The following RGPD1 variants were observed in gnomAD, a reference collection of about 807,000 sequenced individuals.
RGPD1 encodes RANBP2-like and GRIP domain-containing protein 1.
In RGPD1, 7 loss-of-function variants were observed where a neutral mutation model predicts 40.6. The ratio of observed to expected loss-of-function variants is 0.17; its 90% CI spans 0.10 to 0.32. The LOEUF (loss-of-function observed/expected upper bound fraction) is 0.32. RGPD1 is among the 10% of genes least tolerant of loss of function. RGPD1 has a pLI of 1.00. For missense variants in RGPD1, 50 were observed against 472.5 expected, an observed-to-expected ratio of 0.11 and a Z score of 8.29; for synonymous variants, 24 against 167.0, an observed-to-expected ratio of 0.14 and a Z score of 6.60.
At chr2:86,941,803 C>A (rs1279231647), upstream of RGPD1, among the ~76,000 whole-genome samples, 1 of 150,406 alleles carries the variant, frequency 6.6e-6, no homozygotes, top group Non-Finnish European at 1.5e-5. Flanking sequence ...CCTCGCCTCT[C>A]AGTTTCAAGC....
At chr2:86,929,790 C>A (rs1678784510) in intron 1 of RGPD1, among the ~76,000 whole-genome samples, 1 of 142,600 alleles carries the variant, frequency 7.0e-6, no homozygotes, top group Non-Finnish European at 1.5e-5. Context: ...AGCACAGTCC[C>A]CCAATACTGC....
intron 1 of RGPD1, among the ~76,000 whole-genome samples, chr2:86,931,317 G>A (rs2104712485): frequency 6.6e-6 from 1 of 151,740 alleles, no homozygotes; most frequent in East Asian, 1.9e-4. Context: ...TTCATTGCAT[G>A]TTAGTATCTT....
upstream of RGPD1, among the ~76,000 whole-genome samples, chr2:86,942,079 C>T (rs1363860152): frequency 6.6e-6 from 1 of 151,408 alleles, no homozygotes; most frequent in African/African-American, 2.4e-5. Flanking sequence ...GCGCCGACGT[C>T]GCCAAGGATA....
chr2:86,925,741 T>G (rs1332190654), intron 1 of RGPD1, among the ~76,000 whole-genome samples: 3 of 151,896 alleles, frequency 2.0e-5, no homozygotes, highest in African/African-American at 7.2e-5. Context: ...TGCATAATTT[T>G]TTTCTCGTTT....
chr2:86,923,030 T>C (rs1296185319), intron 1 of RGPD1, among the ~76,000 whole-genome samples: 1 of 103,580 alleles, frequency 9.7e-6, no homozygotes, highest in Non-Finnish European at 1.9e-5. Flanking sequence ...CCATGGTATA[T>C]TCCTTTTTTT....
intron 1 of RGPD1, among the ~76,000 whole-genome samples, chr2:86,914,959 C>T (rs1445693840): frequency 3.6e-5 from 5 of 138,106 alleles, no homozygotes; most frequent in African/African-American, 1.4e-4. Context: ...GGCGGCCTGG[C>T]CTAAGGTACT....
chr2:86,929,514 C>CTGT (rs1369531555), intron 1 of RGPD1, among the ~76,000 whole-genome samples: 2 of 151,722 alleles, frequency 1.3e-5, no homozygotes, highest in African/African-American at 2.4e-5. Flanking sequence ...GTGACAAGTA[C>CTGT]TGTTTTAAGT....
chr2:86,924,466 A>G (rs1281989248), intron 1 of RGPD1, among the ~76,000 whole-genome samples: 1 of 149,952 alleles, frequency 6.7e-6, no homozygotes, highest in Non-Finnish European at 1.5e-5. Context: ...GTGGACATAC[A>G]TTTTCATTTC....
intron 1 of RGPD1, chr2:86,930,649 A>G: frequency 6.2e-7 from 1 of 1,611,360 alleles, no homozygotes; most frequent in Admixed American, 1.7e-5. Flanking sequence ...TCACAGAGGT[A>G]GGGCTGGTTG....
At chr2:86,930,686 C>G in intron 1 of RGPD1, 4 of 1,608,968 alleles carry the variant, frequency 2.5e-6, no homozygotes, top group South Asian at 1.1e-5. Flanking sequence ...GCTCTCGAAG[C>G]TGCTGTTGCG....
At position 86,927,466 on chromosome 2, in the gene RGPD1, T is replaced by C. The variant is rs143615801; in HGVS notation, c.72+13545T>C. The stretch of plus-strand genomic sequence containing the variant: ...CTTCAGACTTGCAGTGTTTCCTCTC[T>C]GCTAAGTATAGTGTTAAACACTGGC... On this transcript the variant is annotated intron_variant, in intron 1 of 22. Transcript: ENST00000398193. 7.3e-3 allele frequency among the ~76,000 whole-genome samples: 1,098 copies of C among 150,838 alleles called. 8 individuals carry two copies. The highest frequency in any genetic ancestry group is 0.012 in the Non-Finnish European group (807 of 67,938).
At chr2:86,927,151 A>C (rs971179391) in intron 1 of RGPD1, among the ~76,000 whole-genome samples, 2 of 151,864 alleles carry the variant, frequency 1.3e-5, no homozygotes, top group African/African-American at 4.8e-5. Flanking sequence ...CTCAGATTGG[A>C]GTACACTTTT....
At chr2:86,923,536 C>CG (rs1678205134) in intron 1 of RGPD1, among the ~76,000 whole-genome samples, 1 of 149,090 alleles carries the variant, frequency 6.7e-6, no homozygotes, top group Admixed American at 6.7e-5. Flanking sequence ...TTTTTTGAGA[C>CG]GGAGTCTCGC....
chr2:86,936,902 G>A (rs982648046), intron 1 of RGPD1, among the ~76,000 whole-genome samples: 1 of 137,382 alleles, frequency 7.3e-6, no homozygotes, highest in Non-Finnish European at 1.6e-5. Context: ...GCTTAACAAA[G>A]AGGTCTGAGA....
intron 1 of RGPD1, among the ~76,000 whole-genome samples, chr2:86,942,916 C>T (rs1427198808): frequency 2.6e-5 from 4 of 151,980 alleles, no homozygotes; most frequent in South Asian, 2.1e-4. Context: ...CGACGGTGCT[C>T]GCTCGTGGGC....
intron 1 of RGPD1, among the ~76,000 whole-genome samples, chr2:86,928,441 T>C (rs1192121953): frequency 6.6e-6 from 1 of 152,044 alleles, no homozygotes; most frequent in African/African-American, 2.4e-5. Context: ...TGGGAGCTAA[T>C]GGGGGATTAA....
intron 1 of RGPD1, among the ~76,000 whole-genome samples, chr2:86,929,999 G>A (rs1678802586): frequency 1.4e-5 from 2 of 144,082 alleles, no homozygotes; most frequent in Non-Finnish European, 1.5e-5. Context: ...TCTGGGGGCA[G>A]TGCACACGGG....
chr2:86,941,940 G>A (rs1463901857), upstream of RGPD1, among the ~76,000 whole-genome samples: 1 of 151,914 alleles, frequency 6.6e-6, no homozygotes, highest in African/African-American at 2.4e-5. Flanking sequence ...TCCAACTCAT[G>A]ACCTCAGGTG....
chr2:86,947,932 A>G (rs906283405), intron 1 of RGPD1, among the ~76,000 whole-genome samples: 2 of 99,354 alleles, frequency 2.0e-5, no homozygotes, highest in African/African-American at 3.8e-5. Flanking sequence ...CTCCGTTTGA[A>G]TTAAAAAAAA....
Sources: gnomAD v4.1 joint callset for allele counts (sites outside exome capture counted in the v4.1 genomes callset) on GRCh38, gnomAD v4.1.1 for gene constraint, MANE v1.5 for transcripts, NCBI Gene and HGNC (gene_info 2026-07-23, HGNC 2026-07-21) for gene names.